SKIC3: variants seen among roughly 807,000 people sequenced by gnomAD.
SKIC3 encodes superkiller complex protein 3.
the SKIC3 span, among the ~76,000 whole-genome samples, chr5:95,507,921 G>A: frequency 3.1e-4 from 43 of 138,224 alleles, no homozygotes; most frequent in Non-Finnish European, 6.2e-4. Context: ...CAATAATAAC[G>A]ATACATACCA....
the SKIC3 span, chr5:95,528,036 C>G: frequency 1.2e-6 from 2 of 1,613,674 alleles, no homozygotes; most frequent in East Asian, 2.2e-5. Flanking sequence ...CGAATTGCTT[C>G]CTCTGAAGAG....
At chr5:95,515,330 C>T in the SKIC3 span, among the ~76,000 whole-genome samples, 2 of 152,164 alleles carry the variant, frequency 1.3e-5, no homozygotes, top group African/African-American at 2.4e-5. Context: ...AAGTCCTAGA[C>T]ATGTGTATAC....
the SKIC3 span, chr5:95,516,941 TTAAG>T: frequency 2.5e-6 from 4 of 1,610,392 alleles, no homozygotes; most frequent in Non-Finnish European, 3.4e-6. Flanking sequence ...CAGCAACTCC[TTAAG>T]ATCATTCATG....
the SKIC3 span, chr5:95,490,905 T>C: frequency 3.7e-6 from 6 of 1,613,964 alleles, no homozygotes; most frequent in African/African-American, 8.0e-5. Flanking sequence ...TTTAAAAACT[T>C]ACTTGAAGCA....
At chr5:95,529,159 AGCACCAAT>A in the SKIC3 span, 1 of 1,431,000 alleles carries the variant, frequency 7.0e-7, no homozygotes, top group Non-Finnish European at 9.8e-7. Context: ...ATAGATGAAC[AGCACCAAT>A]GCCTACTCTC....
the SKIC3 span, chr5:95,541,500 A>G: frequency 6.2e-6 from 6 of 960,332 alleles, no homozygotes; most frequent in Non-Finnish European, 9.7e-6. Context: ...TACTATTTTA[A>G]ATTAGAACAT....
the SKIC3 span, among the ~76,000 whole-genome samples, chr5:95,492,435 G>A: frequency 6.6e-6 from 1 of 150,716 alleles, no homozygotes; most frequent in Non-Finnish European, 1.5e-5. Context: ...AAGAGATCGA[G>A]ACCATCCCGG....
At chr5:95,507,916 A>G in the SKIC3 span, among the ~76,000 whole-genome samples, 1 of 146,822 alleles carries the variant, frequency 6.8e-6, no homozygotes, top group Non-Finnish European at 1.5e-5. Context: ...ATCTGCAATA[A>G]TAACGATACA....
the SKIC3 span, among the ~76,000 whole-genome samples, chr5:95,549,072 C>T: frequency 1.3e-5 from 2 of 151,768 alleles, no homozygotes; most frequent in Non-Finnish European, 1.5e-5. Context: ...TAATCAAATG[C>T]TAAACTAAGG....
the SKIC3 span, chr5:95,524,656 T>C: frequency 1.3e-6 from 2 of 1,599,144 alleles, no homozygotes; most frequent in Non-Finnish European, 1.7e-6. Flanking sequence ...ACACGCAATA[T>C]AGGAGACTCC....
the SKIC3 span, among the ~76,000 whole-genome samples, chr5:95,539,631 G>A: frequency 6.6e-6 from 1 of 152,052 alleles, no homozygotes; most frequent in Admixed American, 6.5e-5. Flanking sequence ...GTCACTTGAG[G>A]TCAGGAGTTT....
At chr5:95,547,683 C>T in the SKIC3 span, among the ~76,000 whole-genome samples, 1 of 151,952 alleles carries the variant, frequency 6.6e-6, no homozygotes, top group Non-Finnish European at 1.5e-5. Context: ...TACAAATGAT[C>T]TTGTTGATCA....
At chr5:95,467,294 T>A in the SKIC3 span, among the ~76,000 whole-genome samples, 1 of 152,324 alleles carries the variant, frequency 6.6e-6, no homozygotes, top group African/African-American at 2.4e-5. Flanking sequence ...GAATCTATTA[T>A]ATTTTATTAC....
the SKIC3 span, among the ~76,000 whole-genome samples, chr5:95,505,814 C>T: frequency 1.4e-5 from 2 of 147,984 alleles, no homozygotes; most frequent in Non-Finnish European, 3.0e-5. Flanking sequence ...CTCTGTCCCC[C>T]CAAAAAAAAA....
chr5:95,490,839 T>C, the SKIC3 span: 1 of 1,594,246 alleles, frequency 6.3e-7, no homozygotes, highest in Non-Finnish European at 8.6e-7. Flanking sequence ...TGAAGCCGTT[T>C]GTATTCTGGA....
the SKIC3 span, chr5:95,495,589 T>C: frequency 6.5e-6 from 1 of 153,084 alleles, no homozygotes; most frequent in South Asian, 2.0e-4. Context: ...AGCTGACACA[T>C]AATAAAGCAC....
At chr5:95,541,715 C>A in the SKIC3 span, 1 of 853,308 alleles carries the variant, frequency 1.2e-6, no homozygotes, top group Non-Finnish European at 1.8e-6. Context: ...AAAAGCTTCG[C>A]AATTCCCAGT....
At chr5:95,482,491 G>C in the SKIC3 span, 1 of 1,613,984 alleles carries the variant, frequency 6.2e-7, no homozygotes, top group Non-Finnish European at 8.5e-7. Context: ...CTGGAACAGA[G>C]GTTGAGTTGG....
At chr5:95,466,020 C>G in the SKIC3 span, among the ~76,000 whole-genome samples, 36,667 of 152,084 alleles carry the variant, frequency 0.24, 5,775 homozygotes, top group African/African-American at 0.44. Context: ...TCCAAGCATT[C>G]TTTTCTTTAC....
Sources: allele counts gnomAD v4.1 joint callset (sites outside exome capture counted in the v4.1 genomes callset), GRCh38; gene constraint gnomAD v4.1.1; transcripts MANE v1.5; gene names NCBI Gene and HGNC (gene_info 2026-07-23, HGNC 2026-07-21).